The following KSR2 variants were observed in gnomAD, a reference collection of about 807,000 sequenced individuals.
KSR2 encodes the protein kinase suppressor of ras 2.
Under a neutral mutation model 107.8 loss-of-function variants are expected in KSR2, and 25 were observed. That is an observed-to-expected ratio of 0.23 (90% CI 0.17 to 0.32). The LOEUF (loss-of-function observed/expected upper bound fraction) is 0.32. Ranked by LOEUF, KSR2 falls within the 10% of genes least tolerant of loss-of-function variation. The pLI, the probability that KSR2 is intolerant of heterozygous loss-of-function variation, is 1.00. For synonymous variants in KSR2, 480 were observed against 507.0 expected, an observed-to-expected ratio of 0.95 and a Z score of 0.71; for missense variants, 887 against 1,268.9, an observed-to-expected ratio of 0.70 and a Z score of 4.57.
intron 3 of KSR2, among the ~76,000 whole-genome samples, chr12:117,806,904 C>T (rs956504759): frequency 2.6e-5 from 4 of 152,190 alleles, no homozygotes; most frequent in Non-Finnish European, 5.9e-5. Flanking sequence ...CTCCAATTCA[C>T]CTGCTGTACA....
intron 4 of KSR2, among the ~76,000 whole-genome samples, chr12:117,707,864 G>C (rs995352876): frequency 6.6e-6 from 1 of 152,164 alleles, no homozygotes; most frequent in Non-Finnish European, 1.5e-5. Flanking sequence ...GCTCTCTAAG[G>C]CTTCCTGGAT....
intron 3 of KSR2, among the ~76,000 whole-genome samples, chr12:117,794,353 GCA>G (rs1890503456): frequency 1.2e-5 from 1 of 81,632 alleles, no homozygotes; most frequent in Admixed American, 1.5e-4. Flanking sequence ...ACACCAACAG[GCA>G]CACACACCAA....
intron 4 of KSR2, among the ~76,000 whole-genome samples, chr12:117,719,280 T>C (rs559443932): frequency 6.6e-6 from 1 of 152,134 alleles, no homozygotes; most frequent in South Asian, 2.1e-4. Context: ...CTGCAACCTC[T>C]ACCTCCCAGG....
chr12:117,911,375 C>T (rs1403206644), intron 1 of KSR2, among the ~76,000 whole-genome samples: 1 of 152,180 alleles, frequency 6.6e-6, no homozygotes, highest in Admixed American at 6.5e-5. Context: ...GTTCAGGCAG[C>T]TGCTGTTCCT....
At chr12:117,499,413 G>C (rs1402981175) in intron 14 of KSR2, among the ~76,000 whole-genome samples, 3 of 152,156 alleles carry the variant, frequency 2.0e-5, no homozygotes, top group Non-Finnish European at 2.9e-5. Flanking sequence ...AAAAAAGGAA[G>C]AAATGAGAAA....
intron 3 of KSR2, among the ~76,000 whole-genome samples, chr12:117,794,455 CCAA>C (rs1307822733): frequency 1.9e-5 from 2 of 105,124 alleles, no homozygotes; most frequent in Non-Finnish European, 4.1e-5. Flanking sequence ...TGCACACACA[CCAA>C]CATGCACACT....
At chr12:117,654,745 A>C (rs1325485725) in intron 5 of KSR2, among the ~76,000 whole-genome samples, 8 of 152,196 alleles carry the variant, frequency 5.3e-5, no homozygotes, top group Non-Finnish European at 2.9e-5. Context: ...GAGTGGTCAA[A>C]AACTGTGAAG....
At position 117,761,413 on chromosome 12, in the gene KSR2, A is replaced by T; in HGVS notation, c.584T>A (p.Leu195His). The T allele has an allele frequency of 6.2e-7, 1 of 1,607,536 alleles. No individual in the cohort carries two copies. Among genetic ancestry groups the T allele is most frequent in the Non-Finnish European group, 8.5e-7 (1 of 1,178,354 alleles). ...PEPTPWIRTH[L>H]SQSPRVPSKC... is the part of the protein sequence containing the mutation. ...GGACGGGACCCTGGGGCTCTGGGAG[A>T]GATGGGTGCGGATCCACGGGGTGGG... is the stretch of plus-strand genomic sequence containing the variant. The change falls in exon 4 of 20, where the codon CTC (leucine) becomes CAC (histidine). Residue 195 changes from leucine (L) to histidine (H), a missense_variant. Leu to His is a moderately conservative substitution (Grantham distance 99). Transcript: ENST00000339824.
intron 5 of KSR2, among the ~76,000 whole-genome samples, chr12:117,606,797 C>G (rs1881303206): frequency 6.6e-6 from 1 of 151,362 alleles, no homozygotes; most frequent in African/African-American, 2.4e-5. Flanking sequence ...TCTTTCCTCC[C>G]TCCCTTCCTT....
intron 14 of KSR2, among the ~76,000 whole-genome samples, chr12:117,506,814 AATAG>A (rs1039868189): frequency 4.6e-5 from 7 of 152,144 alleles, no homozygotes; most frequent in African/African-American, 1.7e-4. Flanking sequence ...TCAGTAGATC[AATAG>A]ATAGATAGAT....
chr12:117,550,814 T>C (rs1565896106), intron 9 of KSR2, among the ~76,000 whole-genome samples: 1 of 137,920 alleles, frequency 7.3e-6, no homozygotes, highest in Non-Finnish European at 1.6e-5. Flanking sequence ...AGGGTCATGA[T>C]GGAAGACCAG....
chr12:117,968,316 A>T lies in KSR2; in HGVS notation c.-61T>A. ...CCCAGAGAGAAAAAAGAGGGGGGGGAGTAGAGGTAGTCTACCCTCCGCCTC... is the reference window on the plus strand; with the variant it reads ...CCCAGAGAGAAAAAAGAGGGGGGGGTGTAGAGGTAGTCTACCCTCCGCCTC... On this transcript the variant is annotated 5_prime_UTR_variant, in exon 1 of 20. Transcript: ENST00000339824. The T allele has an allele frequency of 7.6e-7, 1 of 1,313,180 alleles. No individual in the cohort carries two copies. The highest frequency in any genetic ancestry group is 9.7e-7 in the Non-Finnish European group (1 of 1,026,532). 81.3% of individuals were successfully genotyped at this position (1,313,180 alleles called of 1,614,324 possible).
chr12:117,883,913 G>A (rs1351690240), intron 1 of KSR2, among the ~76,000 whole-genome samples: 4 of 149,232 alleles, frequency 2.7e-5, no homozygotes, highest in Admixed American at 1.3e-4. Flanking sequence ...GGTCAAAGAA[G>A]CAGAGACAGG....
At chr12:117,574,258 T>G (rs1420873490) in intron 7 of KSR2, among the ~76,000 whole-genome samples, 1 of 151,982 alleles carries the variant, frequency 6.6e-6, no homozygotes, top group Non-Finnish European at 1.5e-5. Context: ...TTGAGAACCA[T>G]TATCTAGAAA....
rs529084089 is a variant in KSR2, at chr12:117,585,310, A to T, written c.1172-2951T>A. Among the ~76,000 whole-genome samples the T allele has an allele frequency of 3.9e-5, 6 of 152,320 alleles. No homozygotes were observed. In the South Asian group the frequency reaches 1.0e-3, roughly 26 times the overall value. ...GTGCTTCTGAGGCTCAACTCAGCAGAGAACAAATCCTCTTTTATTATAAGC... is the reference window on the plus strand; with the variant it reads ...GTGCTTCTGAGGCTCAACTCAGCAGTGAACAAATCCTCTTTTATTATAAGC... On this transcript the variant is annotated intron_variant, in intron 5 of 19. Transcript: ENST00000339824.
intron 1 of KSR2, among the ~76,000 whole-genome samples, chr12:117,875,560 A>G (rs1893814963): frequency 6.6e-6 from 1 of 152,078 alleles, no homozygotes; most frequent in Non-Finnish European, 1.5e-5. Context: ...ACACATAAAG[A>G]GGCAGGCTCC....
intron 3 of KSR2, among the ~76,000 whole-genome samples, chr12:117,834,077 G>T (rs907039663): frequency 1.3e-5 from 2 of 151,742 alleles, no homozygotes; most frequent in African/African-American, 4.8e-5. Flanking sequence ...GCAGGCAAAG[G>T]TTGCAGTGAG....
At chr12:117,673,156 G>A (rs1420882530) in intron 4 of KSR2, among the ~76,000 whole-genome samples, 1 of 152,174 alleles carries the variant, frequency 6.6e-6, no homozygotes, top group East Asian at 1.9e-4. Context: ...ACCAACCATG[G>A]CCACAGATGG....
chr12:117,739,304 G>A (rs918238548), intron 4 of KSR2, among the ~76,000 whole-genome samples: 6 of 152,102 alleles, frequency 3.9e-5, no homozygotes, highest in Non-Finnish European at 8.8e-5. Flanking sequence ...GCAGTGAGCC[G>A]AGAGCGCGCC....
Sources: allele counts gnomAD v4.1 joint callset (sites outside exome capture counted in the v4.1 genomes callset), GRCh38; gene constraint gnomAD v4.1.1; transcripts MANE v1.5; gene names NCBI Gene and HGNC (gene_info 2026-07-23, HGNC 2026-07-21).